SPOCK1: variants seen among roughly 807,000 people sequenced by gnomAD.
SPOCK1 encodes SPARC (osteonectin), cwcv and kazal like domains proteoglycan 1.
SPOCK1 carries 23 observed loss-of-function variants against 55.3 expected under a neutral mutation model. The ratio of observed to expected loss-of-function variants is 0.42; its 90% confidence interval spans 0.30 to 0.59. The LOEUF (loss-of-function observed/expected upper bound fraction) is 0.59, where lower values mean the gene tolerates loss of function less well. SPOCK1 is among the 20% of genes least tolerant of loss of function. The pLI, the probability that SPOCK1 is intolerant of heterozygous loss-of-function variation, is 0.22. For missense variants in SPOCK1, 499 were observed against 552.5 expected, an observed-to-expected ratio of 0.90 and a Z score of 0.97; for synonymous variants, 226 against 221.0, an observed-to-expected ratio of 1.02 and a Z score of -0.20.
intron 2 of SPOCK1, 96 bp downstream of exon 2, chr5:137,498,277 C>CAT (rs1406515283): frequency 4.2e-6 from 5 of 1,184,750 alleles, no homozygotes; most frequent in African/African-American, 1.6e-5. Context: ...CACACACACA[C>CAT]ACACACACAC....
At chr5:137,337,569 T>C (rs1433927261) in intron 2 of SPOCK1, among the ~76,000 whole-genome samples, 1 of 152,164 alleles carries the variant, frequency 6.6e-6, no homozygotes, top group Non-Finnish European at 1.5e-5. Context: ...TAAAGACACC[T>C]AATAACTCAA....
At chr5:137,436,603 G>A (rs1193552358) in intron 2 of SPOCK1, among the ~76,000 whole-genome samples, 1 of 151,960 alleles carries the variant, frequency 6.6e-6, no homozygotes, top group Non-Finnish European at 1.5e-5. Flanking sequence ...ATTCATATTT[G>A]AGAATAATTT....
At chr5:137,237,503 T>C (rs1756202600) in intron 3 of SPOCK1, among the ~76,000 whole-genome samples, 1 of 152,228 alleles carries the variant, frequency 6.6e-6, no homozygotes, top group Non-Finnish European at 1.5e-5. Flanking sequence ...TAAATGATGC[T>C]TTACTGACGT....
intron 2 of SPOCK1, among the ~76,000 whole-genome samples, chr5:137,436,393 C>G (rs367830786): frequency 1.3e-5 from 2 of 151,886 alleles, no homozygotes; most frequent in Admixed American, 6.6e-5. Context: ...ATAATTCATC[C>G]TTTCCCTCCA....
chr5:137,257,428 G>A (rs1756658790), intron 3 of SPOCK1, among the ~76,000 whole-genome samples: 1 of 152,084 alleles, frequency 6.6e-6, no homozygotes, highest in African/African-American at 2.4e-5. Flanking sequence ...ACCTCAGAGA[G>A]TTCTCGAGCT....
chr5:137,312,344 T>C (rs972131262), intron 2 of SPOCK1, among the ~76,000 whole-genome samples: 1 of 151,982 alleles, frequency 6.6e-6, no homozygotes, highest in Non-Finnish European at 1.5e-5. Context: ...CCTCAGAGGG[T>C]CATGGATCTG....
At chr5:137,277,244 G>C (rs2127123003) in intron 2 of SPOCK1, among the ~76,000 whole-genome samples, 1 of 152,096 alleles carries the variant, frequency 6.6e-6, no homozygotes, top group Middle Eastern at 3.4e-3. Flanking sequence ...CAAACTCCTA[G>C]CCTCATGTGA....
intron 3 of SPOCK1, among the ~76,000 whole-genome samples, chr5:137,222,301 A>T (rs1755871072): frequency 6.6e-6 from 1 of 152,196 alleles, no homozygotes; most frequent in Admixed American, 6.5e-5. Context: ...AAGGCCAAGC[A>T]AAATACTCTC....
chr5:137,350,137 T>C (rs1303157798), intron 2 of SPOCK1, among the ~76,000 whole-genome samples: 1 of 152,178 alleles, frequency 6.6e-6, no homozygotes, highest in East Asian at 1.9e-4. Context: ...GGTGCTGGTG[T>C]GGATGGCATT....
chr5:137,033,346 T>G (rs984094086), intron 6 of SPOCK1, among the ~76,000 whole-genome samples: 2 of 152,200 alleles, frequency 1.3e-5, no homozygotes, highest in African/African-American at 4.8e-5. Context: ...GCCTTCGAAT[T>G]TGCATGCCTT....
intron 3 of SPOCK1, among the ~76,000 whole-genome samples, chr5:137,168,613 A>G (rs1232625100): frequency 1.3e-5 from 2 of 152,206 alleles, no homozygotes; most frequent in Non-Finnish European, 2.9e-5. Context: ...GGTGCTCAAC[A>G]TCACTGATCA....
At chr5:137,236,521 G>A (rs1432684914) in intron 3 of SPOCK1, among the ~76,000 whole-genome samples, 3 of 152,194 alleles carry the variant, frequency 2.0e-5, no homozygotes, top group African/African-American at 4.8e-5. Context: ...AACTCTCCCT[G>A]TAGGCCCCAC....
chr5:137,462,156 G>A (rs1452383271), intron 2 of SPOCK1, among the ~76,000 whole-genome samples: 1 of 152,242 alleles, frequency 6.6e-6, no homozygotes, highest in African/African-American at 2.4e-5. Flanking sequence ...GAGGCCACCA[G>A]GAGGCCACAT....
At chr5:137,269,381 A>G (rs1756917299) in intron 2 of SPOCK1, among the ~76,000 whole-genome samples, 1 of 152,140 alleles carries the variant, frequency 6.6e-6, no homozygotes, top group Non-Finnish European at 1.5e-5. Flanking sequence ...GAGCTGATAA[A>G]CCTTTGTGTA....
intron 5 of SPOCK1, among the ~76,000 whole-genome samples, chr5:137,100,105 T>C (rs1272963930): frequency 1.3e-5 from 2 of 152,184 alleles, no homozygotes; most frequent in Non-Finnish European, 2.9e-5. Flanking sequence ...ATTTCCAATG[T>C]GATGGAATCA....
chr5:137,329,691 G>A (rs1758136936), intron 2 of SPOCK1, among the ~76,000 whole-genome samples: 1 of 152,168 alleles, frequency 6.6e-6, no homozygotes, highest in Admixed American at 6.5e-5. Context: ...TCATGCCCCT[G>A]CAGAACCTTT....
intron 3 of SPOCK1, among the ~76,000 whole-genome samples, chr5:137,145,439 T>C (rs1580774923): frequency 6.6e-6 from 1 of 152,200 alleles, no homozygotes; most frequent in Non-Finnish European, 1.5e-5. Context: ...GCACATCCTA[T>C]AGGCTAATTG....
intron 5 of SPOCK1, among the ~76,000 whole-genome samples, chr5:137,077,069 G>A (rs1024141942): frequency 3.3e-5 from 5 of 152,128 alleles, no homozygotes; most frequent in South Asian, 2.1e-4. Flanking sequence ...GACTACAGGC[G>A]CCCACCACCA....
At chr5:137,178,201 T>C (rs1457933510) in intron 3 of SPOCK1, among the ~76,000 whole-genome samples, 2 of 152,220 alleles carry the variant, frequency 1.3e-5, no homozygotes, top group African/African-American at 4.8e-5. Context: ...TTTGTTTGGT[T>C]ATTTCACATT....
Sources: allele counts gnomAD v4.1 joint callset (sites outside exome capture counted in the v4.1 genomes callset), GRCh38; gene constraint gnomAD v4.1.1; transcripts MANE v1.5; gene names NCBI Gene and HGNC (gene_info 2026-07-23, HGNC 2026-07-21).